The following RPS6KC1 variants were observed in gnomAD, a reference collection of about 807,000 sequenced individuals.
The protein encoded by RPS6KC1 is inactive ribosomal protein S6 kinase delta-1.
RPS6KC1 carries 54 observed loss-of-function variants against 103.8 expected under a neutral mutation model. The ratio of observed to expected loss-of-function variants is 0.52; its 90% confidence interval spans 0.42 to 0.65. RPS6KC1 has a LOEUF of 0.65. Among genes scored for constraint, RPS6KC1 ranks in the 30% least tolerant of loss-of-function variants. The pLI is 0.00. For synonymous variants in RPS6KC1, 439 were observed against 438.7 expected (o/e 1.00, Z -0.01); for missense variants, 1,151 against 1,253.8 (o/e 0.92, Z 1.24).
Position 213,230,495 on chromosome 1 carries a change from A to G in RPS6KC1, c.1045-2A>G. 1 of 1,591,586 alleles carries G rather than the reference A, an allele frequency of 6.3e-7. No individual in the cohort carries two copies. On this transcript the variant is annotated splice_acceptor_variant, in intron 8 of 14. Transcript: ENST00000366960. LOFTEE classifies it high-confidence loss of function. ...AAATTATTACTCGTGTCTTTTATGT[A>G]GGTTTTACTTGTAATGGACACAAGG...
the RPS6KC1 span, among the ~76,000 whole-genome samples, chr1:213,700,517 A>G: frequency 6.6e-6 from 1 of 151,828 alleles, no homozygotes; most frequent in African/African-American, 2.4e-5. Context: ...GTTTTGCTTA[A>G]GATGACTTTG....
chr1:213,069,103 A>T (rs868783139), intron 1 of RPS6KC1, among the ~76,000 whole-genome samples: 1 of 152,290 alleles, frequency 6.6e-6, no homozygotes, highest in Middle Eastern at 3.4e-3. Context: ...AAATAAAATT[A>T]ATGTAGTTTC....
intron 12 of RPS6KC1, among the ~76,000 whole-genome samples, chr1:213,257,126 T>C (rs1266824140): frequency 2.0e-5 from 3 of 152,140 alleles, no homozygotes; most frequent in Admixed American, 2.0e-4. Flanking sequence ...ACTGTGCTTA[T>C]CTTGTGGCTT....
chr1:213,859,553 G>A, the RPS6KC1 span, among the ~76,000 whole-genome samples: 1 of 152,202 alleles, frequency 6.6e-6, no homozygotes, highest in African/African-American at 2.4e-5. Flanking sequence ...GACAATATGA[G>A]AACAAGAGGG....
the RPS6KC1 span, among the ~76,000 whole-genome samples, chr1:213,479,797 T>C: frequency 6.6e-6 from 1 of 150,620 alleles, no homozygotes; most frequent in African/African-American, 2.4e-5. Context: ...TTAAATAGAA[T>C]TTTTTACATA....
chr1:213,197,151 T>C (rs939158423), intron 8 of RPS6KC1, among the ~76,000 whole-genome samples: 1 of 152,222 alleles, frequency 6.6e-6, no homozygotes, highest in African/African-American at 2.4e-5. Context: ...CATGCCTGTT[T>C]TTATACCAGT....
At chr1:213,394,044 AG>A in the RPS6KC1 span, among the ~76,000 whole-genome samples, 5 of 152,094 alleles carry the variant, frequency 3.3e-5, no homozygotes, top group African/African-American at 1.2e-4. Flanking sequence ...AGCCGTGGAC[AG>A]GTTGGCTGTG....
At chr1:213,673,135 G>T in the RPS6KC1 span, among the ~76,000 whole-genome samples, 1 of 152,160 alleles carries the variant, frequency 6.6e-6, no homozygotes, top group Non-Finnish European at 1.5e-5. Context: ...TCTGAGCAGG[G>T]TGGACAGCAA....
chr1:213,716,555 A>G, the RPS6KC1 span, among the ~76,000 whole-genome samples: 1 of 152,108 alleles, frequency 6.6e-6, no homozygotes, highest in Non-Finnish European at 1.5e-5. Flanking sequence ...TTTTAGTTTC[A>G]GGGGGAAAAA....
chr1:213,583,679 G>A, the RPS6KC1 span, among the ~76,000 whole-genome samples: 1,578 of 151,710 alleles, frequency 0.01, 30 homozygotes, highest in African/African-American at 0.036. Context: ...AACTTAGCTG[G>A]GCATGGTGGT....
Position 213,225,390 on chromosome 1 carries a change from A to G in RPS6KC1, c.1045-5107A>G, listed in dbSNP as rs146267186. 3.6e-3 allele frequency among the ~76,000 whole-genome samples: 546 copies of G among 152,058 alleles called. 6 individuals carry two copies. The highest frequency in any genetic ancestry group is 0.013 in the African/African-American group (520 of 41,482). On this transcript the variant is annotated intron_variant, in intron 8 of 14. Transcript: ENST00000366960. ...TTTCCCAGCCATGTTTATCCATCTT[A>G]ATTTGCTTTTTTTTTTGGAGATGGA...
intron 3 of RPS6KC1, among the ~76,000 whole-genome samples, chr1:213,101,559 AT>A (rs993263237): frequency 4.0e-5 from 6 of 151,258 alleles, no homozygotes; most frequent in African/African-American, 1.2e-4. Flanking sequence ...AAAGCCTCCA[AT>A]TTTTTTTTGT....
chr1:213,700,138 G>GT, the RPS6KC1 span, among the ~76,000 whole-genome samples: 1 of 151,914 alleles, frequency 6.6e-6, no homozygotes, highest in Admixed American at 6.6e-5. Flanking sequence ...TCCATATCTC[G>GT]GAGGGTTTCT....
At chr1:213,451,595 A>G in the RPS6KC1 span, among the ~76,000 whole-genome samples, 1 of 152,142 alleles carries the variant, frequency 6.6e-6, no homozygotes, top group Non-Finnish European at 1.5e-5. Flanking sequence ...CACTGACTTT[A>G]AGGCCTGTTT....
chr1:213,103,185 C>CA (rs567198765), intron 3 of RPS6KC1, among the ~76,000 whole-genome samples: 1,255 of 98,116 alleles, frequency 0.013, 14 homozygotes, highest in African/African-American at 0.036. Context: ...GACCCTGTCT[C>CA]AAAAAAAAAA....
the RPS6KC1 span, among the ~76,000 whole-genome samples, chr1:213,549,437 C>G: frequency 6.6e-6 from 1 of 151,956 alleles, no homozygotes; most frequent in Non-Finnish European, 1.5e-5. Context: ...TCTTTGTTTT[C>G]TCTTTTGGGT....
the RPS6KC1 span, among the ~76,000 whole-genome samples, chr1:213,544,515 C>T: frequency 6.6e-6 from 1 of 152,216 alleles, no homozygotes; most frequent in Non-Finnish European, 1.5e-5. Flanking sequence ...GCTGGAGGTC[C>T]AGGATCCAGT....
chr1:213,725,417 G>A, the RPS6KC1 span, among the ~76,000 whole-genome samples: 1 of 152,202 alleles, frequency 6.6e-6, no homozygotes, highest in Non-Finnish European at 1.5e-5. Flanking sequence ...CAGGCCGCTC[G>A]GCAGCCAGCA....
chr1:213,509,182 A>G, the RPS6KC1 span, among the ~76,000 whole-genome samples: 1 of 152,222 alleles, frequency 6.6e-6, no homozygotes, highest in Non-Finnish European at 1.5e-5. Context: ...GTCCTGGGCA[A>G]GCCAGTACAT....
Sources: gnomAD v4.1 joint callset for allele counts (sites outside exome capture counted in the v4.1 genomes callset) on GRCh38, gnomAD v4.1.1 for gene constraint, MANE v1.5 for transcripts, NCBI Gene and HGNC (gene_info 2026-07-23, HGNC 2026-07-21) for gene names.